Variants in EPHB2 observed in about 807,000 individuals in gnomAD.
EPHB2 encodes EPH receptor B2, also known as ephrin type-B receptor 2.
In EPHB2, 18 loss-of-function variants were observed where a neutral mutation model predicts 96.4. The ratio of observed to expected loss-of-function variants is 0.19; its 90% confidence interval spans 0.13 to 0.28. The LOEUF is 0.28. EPHB2 is among the 10% of genes least tolerant of loss of function. The pLI, the probability that EPHB2 is intolerant of heterozygous loss-of-function variation, is 1.00. For missense variants in EPHB2, 989 were observed against 1,355.4 expected, an observed-to-expected ratio of 0.73 and a Z score of 4.25; for synonymous variants, 506 against 534.1, an observed-to-expected ratio of 0.95 and a Z score of 0.72.
At chr1:22,781,520 C>T (rs1644532783) in intron 2 of EPHB2, 35 bp downstream of exon 2, 1 of 1,609,572 alleles carries the variant, frequency 6.2e-7, no homozygotes, top group Non-Finnish European at 8.5e-7. Context: ...GCATTGGTCC[C>T]CAGGATCCCT....
At chr1:22,759,804 T>C (rs1644209100) in intron 1 of EPHB2, among the ~76,000 whole-genome samples, 1 of 152,100 alleles carries the variant, frequency 6.6e-6, no homozygotes, top group Non-Finnish European at 1.5e-5. Flanking sequence ...GCAGCTAACC[T>C]TCCTTGATGA....
intron 1 of EPHB2, among the ~76,000 whole-genome samples, chr1:22,773,369 C>G (rs1644404643): frequency 6.6e-6 from 1 of 152,200 alleles, no homozygotes; most frequent in Admixed American, 6.5e-5. Flanking sequence ...GAGATCCCAG[C>G]CAGGCCTAGC....
intron 1 of EPHB2, among the ~76,000 whole-genome samples, chr1:22,767,610 G>T (rs1644325112): frequency 6.6e-6 from 1 of 152,188 alleles, no homozygotes; most frequent in African/African-American, 2.4e-5. Flanking sequence ...CTCAGTAAAT[G>T]GTAGCTATGG....
intron 1 of EPHB2, among the ~76,000 whole-genome samples, chr1:22,758,847 C>T (rs1375020809): frequency 6.8e-6 from 1 of 146,354 alleles, no homozygotes; most frequent in Non-Finnish European, 1.5e-5. Flanking sequence ...ATTGGGGGCC[C>T]AGCCAGGTCC....
chr1:22,877,701 T>C (rs1217148291), intron 5 of EPHB2, among the ~76,000 whole-genome samples: 1 of 152,176 alleles, frequency 6.6e-6, no homozygotes, highest in Non-Finnish European at 1.5e-5. Flanking sequence ...GATCATATAC[T>C]AGACCAGGAC....
At chr1:22,911,191 G>C (rs920943618) in intron 14 of EPHB2, among the ~76,000 whole-genome samples, 17 of 111,968 alleles carry the variant, frequency 1.5e-4, no homozygotes, top group Non-Finnish European at 3.1e-4. Context: ...ATTACCAAAG[G>C]ATCCAGAATC....
intron 5 of EPHB2, among the ~76,000 whole-genome samples, chr1:22,869,220 A>G (rs1638579966): frequency 6.6e-6 from 1 of 152,074 alleles, no homozygotes; most frequent in African/African-American, 2.4e-5. Context: ...AGGAAACTGA[A>G]GCCCAGAGAG....
chr1:22,858,156 G>A lies in EPHB2; in HGVS notation c.812-4881G>A, dbSNP rs1645730811. On this transcript the variant is annotated intron_variant, in intron 3 of 15. Coordinates refer to ENST00000374630, the MANE Select transcript of EPHB2 (RefSeq NM_017449.5). This position sits in a 1 kb window ranked among gnomAD's most constrained non-coding sequence, Gnocchi z 7.7. ...AGCAGGGAAAGCCTTCCGGGCAGAGGGAACAGCTTGGCCAAAGGCCTGGAG... is the reference window on the plus strand; with the variant it reads ...AGCAGGGAAAGCCTTCCGGGCAGAGAGAACAGCTTGGCCAAAGGCCTGGAG... Among the ~76,000 whole-genome samples the A allele has an allele frequency of 6.6e-6, 1 of 152,170 alleles. No homozygotes were observed. The highest frequency in any genetic ancestry group is 3.4e-3 in the Middle Eastern group (1 of 294).
chr1:22,913,240 G>T lies in EPHB2; in HGVS notation c.2853-222G>T, dbSNP rs979377588. On this transcript the variant is annotated intron_variant, in intron 15 of 15. Coordinates refer to ENST00000374630, the MANE Select transcript of EPHB2 (RefSeq NM_017449.5). This position sits in a 1 kb window ranked among gnomAD's most constrained non-coding sequence, Gnocchi z 4.1. ...TGGCTTCCCCCTCCCAATAGCAGGG[G>T]AGAGAAGGCCCCCTAGGGACCCTGA... is the stretch of plus-strand genomic sequence containing the variant. 1.6e-6 allele frequency: 1 copy of T among 608,552 alleles called. No homozygotes were observed. The highest frequency in any genetic ancestry group is 2.8e-5 in the Admixed American group (1 of 36,244). 37.7% of individuals were successfully genotyped at this position (608,552 alleles called of 1,614,324 possible).
At chr1:22,764,584 A>G (rs1043097487) in intron 1 of EPHB2, among the ~76,000 whole-genome samples, 42 of 152,132 alleles carry the variant, frequency 2.8e-4, no homozygotes, top group Non-Finnish European at 1.0e-4. Flanking sequence ...CGTCTCTACT[A>G]AAAATACGAA....
chr1:22,888,135 G>T (rs183384371), intron 6 of EPHB2, among the ~76,000 whole-genome samples: 1 of 152,090 alleles, frequency 6.6e-6, no homozygotes, highest in Non-Finnish European at 1.5e-5. Flanking sequence ...TCCGTCTCCC[G>T]GGTTCAAGTG....
At chr1:22,735,231 A>G (rs1460156799) in intron 1 of EPHB2, among the ~76,000 whole-genome samples, 1 of 152,076 alleles carries the variant, frequency 6.6e-6, no homozygotes, top group East Asian at 1.9e-4. Context: ...TGAGGCCAGG[A>G]GTTCGAGACC....
At chr1:22,802,298 G>A (rs191785545) in intron 3 of EPHB2, among the ~76,000 whole-genome samples, 23 of 152,294 alleles carry the variant, frequency 1.5e-4, no homozygotes, top group African/African-American at 5.5e-4. Flanking sequence ...CTACAGTGGA[G>A]TGGGCACCAG....
At chr1:22,907,856 T>G in intron 11 of EPHB2, 97 bp from the exon 12 acceptor site, 1 of 1,468,472 alleles carries the variant, frequency 6.8e-7, no homozygotes, top group Admixed American at 1.7e-5. Flanking sequence ...AGAGCCAGGC[T>G]GGCAGGGCCC....
chr1:22,736,767 T>C (rs1293931287), intron 1 of EPHB2, among the ~76,000 whole-genome samples: 2 of 152,210 alleles, frequency 1.3e-5, no homozygotes, highest in Admixed American at 1.3e-4. Context: ...GGAGCCTTTT[T>C]TTCCCAGCGC....
At chr1:22,872,252 C>T (rs954347822) in intron 5 of EPHB2, among the ~76,000 whole-genome samples, 34 of 152,120 alleles carry the variant, frequency 2.2e-4, no homozygotes, top group African/African-American at 8.2e-4. Context: ...ACCCTGACAT[C>T]TCAGAAGCAG....
At chr1:22,752,318 C>T (rs1300370379) in intron 1 of EPHB2, among the ~76,000 whole-genome samples, 4 of 151,892 alleles carry the variant, frequency 2.6e-5, no homozygotes, top group Admixed American at 6.6e-5. Context: ...GGAAACACGG[C>T]GAAAACCCAT....
chr1:22,882,655 A>C, intron 6 of EPHB2, 172 bp downstream of exon 6: 1 of 969,834 alleles, frequency 1.0e-6, no homozygotes, highest in Non-Finnish European at 1.5e-6. Context: ...GCTCCTTCCC[A>C]CTGTGAGACC....
chr1:22,805,509 C>CT (rs1477381838), intron 3 of EPHB2, among the ~76,000 whole-genome samples: 2 of 152,152 alleles, frequency 1.3e-5, no homozygotes, highest in Admixed American at 1.3e-4. Context: ...CCTGAGGACT[C>CT]TGGCACAGGA....
Sources: gnomAD v4.1 joint callset for allele counts (sites outside exome capture counted in the v4.1 genomes callset) on GRCh38, gnomAD v4.1.1 for gene constraint, Gnocchi (gnomAD v3.1) non-coding constraint, MANE v1.5 for transcripts, NCBI Gene and HGNC (gene_info 2026-07-23, HGNC 2026-07-21) for gene names.